PTPRN2: variants seen among roughly 807,000 people sequenced by gnomAD.
The protein encoded by PTPRN2 is receptor-type tyrosine-protein phosphatase N2.
PTPRN2 carries 74 observed loss-of-function variants against 118.8 expected under a neutral mutation model. That is an observed-to-expected ratio of 0.62 (90% CI 0.52 to 0.76). PTPRN2 has a LOEUF of 0.76. PTPRN2 is among the 30% of genes least tolerant of loss of function. PTPRN2 has a pLI of 0.00. For synonymous variants in PTPRN2, 641 were observed against 608.0 expected, an observed-to-expected ratio of 1.05 and a Z score of -0.80; for missense variants, 1,481 against 1,394.4, an observed-to-expected ratio of 1.06 and a Z score of -0.99.
At chr7:157,582,403 C>T (rs1800440368) in intron 17 of PTPRN2, among the ~76,000 whole-genome samples, 1 of 152,196 alleles carries the variant, frequency 6.6e-6, no homozygotes, top group South Asian at 2.1e-4. Context: ...TGAAAAGGGG[C>T]TGAATGTCAT....
At chr7:158,586,485 CCCGTGGACA>C (rs1412192435) in intron 1 of PTPRN2, among the ~76,000 whole-genome samples, 6 of 152,202 alleles carry the variant, frequency 3.9e-5, no homozygotes, top group Non-Finnish European at 8.8e-5. Flanking sequence ...GCTTCTGCAC[CCCGTGGACA>C]CCGATTATCC....
intron 14 of PTPRN2, among the ~76,000 whole-genome samples, chr7:157,640,384 A>G (rs1166540681): frequency 6.6e-6 from 1 of 152,242 alleles, no homozygotes; most frequent in East Asian, 1.9e-4. Context: ...GCAGGACAGA[A>G]AGATAGAGAA....
At chr7:157,775,759 G>A (rs975997759) in intron 12 of PTPRN2, among the ~76,000 whole-genome samples, 1 of 152,126 alleles carries the variant, frequency 6.6e-6, no homozygotes, top group East Asian at 1.9e-4. Context: ...CCCCAGGCCC[G>A]GGTCATGGTG....
At chr7:158,475,679 C>A (rs955696513) in intron 2 of PTPRN2, among the ~76,000 whole-genome samples, 6 of 152,218 alleles carry the variant, frequency 3.9e-5, no homozygotes, top group African/African-American at 1.4e-4. Flanking sequence ...TACCTCCCCT[C>A]TCAGGCCTGT....
intron 2 of PTPRN2, among the ~76,000 whole-genome samples, chr7:158,331,712 C>T (rs1230448451): frequency 7.4e-6 from 1 of 135,938 alleles, no homozygotes; most frequent in Non-Finnish European, 1.7e-5. Flanking sequence ...CACTAACACC[C>T]ACATTCTCAC....
intron 14 of PTPRN2, among the ~76,000 whole-genome samples, chr7:157,630,734 C>T (rs1803890996): frequency 6.6e-6 from 1 of 152,164 alleles, no homozygotes; most frequent in Non-Finnish European, 1.5e-5. Context: ...AATTCAGCCT[C>T]TGGGTCATCC....
At chr7:158,039,940 G>C (rs11974316) in intron 11 of PTPRN2, among the ~76,000 whole-genome samples, 5 of 151,908 alleles carry the variant, frequency 3.3e-5, no homozygotes, top group Non-Finnish European at 7.4e-5. Flanking sequence ...AAATGTTAGA[G>C]ATCAAAATCA....
intron 11 of PTPRN2, among the ~76,000 whole-genome samples, chr7:158,067,953 T>C (rs1585319822): frequency 1.3e-5 from 2 of 151,984 alleles, no homozygotes; most frequent in African/African-American, 4.8e-5. Flanking sequence ...GCAGACAGGG[T>C]GGGGTCTGAG....
At chr7:157,928,979 C>T (rs1425459245) in intron 11 of PTPRN2, among the ~76,000 whole-genome samples, 1 of 152,082 alleles carries the variant, frequency 6.6e-6, no homozygotes, top group Non-Finnish European at 1.5e-5. Flanking sequence ...GCAGCCACCC[C>T]ACGTCCAGAA....
At chr7:158,400,707 C>T (rs1812870906) in intron 2 of PTPRN2, among the ~76,000 whole-genome samples, 2 of 152,230 alleles carry the variant, frequency 1.3e-5, no homozygotes, top group African/African-American at 4.8e-5. Context: ...CACAGGACAC[C>T]GTGGTCCCAG....
At chr7:158,542,277 A>G (rs1826034108) in intron 1 of PTPRN2, among the ~76,000 whole-genome samples, 1 of 152,218 alleles carries the variant, frequency 6.6e-6, no homozygotes, top group Admixed American at 6.5e-5. Context: ...CAGCCTCCTG[A>G]GTACATGGGA....
chr7:158,366,499 G>A (rs1809537852), intron 2 of PTPRN2, among the ~76,000 whole-genome samples: 1 of 152,226 alleles, frequency 6.6e-6, no homozygotes, highest in Admixed American at 6.5e-5. Flanking sequence ...ACATGTGTAA[G>A]CTGCCAATAC....
chr7:157,762,208 T>C (rs918508158), intron 12 of PTPRN2, among the ~76,000 whole-genome samples: 34 of 152,142 alleles, frequency 2.2e-4, no homozygotes, highest in African/African-American at 7.0e-4. Flanking sequence ...GATCTAGAAC[T>C]GGAAATACCA....
At chr7:158,381,595 C>T (rs1352271599) in intron 2 of PTPRN2, among the ~76,000 whole-genome samples, 2 of 152,168 alleles carry the variant, frequency 1.3e-5, no homozygotes, top group African/African-American at 4.8e-5. Context: ...TTCTGCTGAG[C>T]CCTCCAAACT....
At chr7:158,456,823 G>A (rs1431445880) in intron 2 of PTPRN2, among the ~76,000 whole-genome samples, 2 of 152,160 alleles carry the variant, frequency 1.3e-5, no homozygotes, top group Admixed American at 6.5e-5. Context: ...TGCCCAGGCT[G>A]GACGGCGGTG....
chr7:157,757,863 G>A (rs926752916), intron 12 of PTPRN2, among the ~76,000 whole-genome samples: 1 of 152,214 alleles, frequency 6.6e-6, no homozygotes, highest in African/African-American at 2.4e-5. Context: ...CCCCGCGAAT[G>A]AACCAGGCTC....
chr7:157,662,406 C>T lies in PTPRN2; in HGVS notation c.2002-5855G>A, dbSNP rs191494520. 3.5e-3 allele frequency among the ~76,000 whole-genome samples: 531 copies of T among 152,298 alleles called. 1 individual carries two copies. The highest frequency in any genetic ancestry group is 0.011 in the African/African-American group (477 of 41,572). On this transcript the variant is annotated intron_variant, in intron 13 of 22. Coordinates refer to ENST00000389418, the MANE Select transcript of PTPRN2 (RefSeq NM_002847.5). Reference sequence around the variant, plus strand: ...CTGAGCCAGGCTGGGTCAGACTCGCCGGGCCCTGACCCCCGAGCACTCCCA... The same window carrying T: ...CTGAGCCAGGCTGGGTCAGACTCGCTGGGCCCTGACCCCCGAGCACTCCCA...
intron 12 of PTPRN2, among the ~76,000 whole-genome samples, chr7:157,737,799 G>A (rs899142675): frequency 3.9e-5 from 6 of 152,266 alleles, no homozygotes; most frequent in Non-Finnish European, 8.8e-5. Flanking sequence ...TAGAAGGTCT[G>A]GAAGAGCCTG....
In PTPRN2 at chr7:157,550,303, T is replaced by A. The variant is rs975365807; in HGVS notation, c.2903-1284A>T. On this transcript the variant is annotated intron_variant, in intron 21 of 22. Coordinates refer to ENST00000389418, the MANE Select transcript of PTPRN2 (RefSeq NM_002847.5). This position sits in a 1 kb window ranked among gnomAD's most constrained non-coding sequence, Gnocchi z 5.2. ...CAGGTGCCTGCGAAGCACCTCCAAG[T>A]CACAGCAGGTGCCTGCGAAGCACCT... Among the ~76,000 whole-genome samples, 2 of 150,926 alleles carry A rather than the reference T, an allele frequency of 1.3e-5. No homozygotes were observed. The highest frequency in any genetic ancestry group is 4.9e-5 in the African/African-American group (2 of 41,192).
Sources: allele counts gnomAD v4.1 joint callset (sites outside exome capture counted in the v4.1 genomes callset), GRCh38; gene constraint gnomAD v4.1.1; non-coding constraint Gnocchi (gnomAD v3.1); transcripts MANE v1.5; gene names NCBI Gene and HGNC (gene_info 2026-07-23, HGNC 2026-07-21).